ENKUR: variants seen among roughly 807,000 people sequenced by gnomAD.
The protein encoded by ENKUR is enkurin.
A neutral mutation model predicts 27.6 loss-of-function variants in ENKUR; 19 were observed. That is an observed-to-expected ratio of 0.69 (90% CI 0.48 to 1.01). ENKUR has a LOEUF of 1.01. Ranked by LOEUF, ENKUR falls within the 50% of genes least tolerant of loss-of-function variation. The pLI, the probability that ENKUR is intolerant of heterozygous loss-of-function variation, is 0.00. For missense variants in ENKUR, 312 were observed against 310.5 expected (o/e 1.00, Z -0.04); for synonymous variants, 117 against 96.9 (o/e 1.21, Z -1.22).
At chr10:25,012,246 G>A (rs1324638892) in intron 1 of ENKUR, among the ~76,000 whole-genome samples, 2 of 152,270 alleles carry the variant, frequency 1.3e-5, no homozygotes, top group African/African-American at 4.8e-5. Context: ...AGCCCTCATG[G>A]AGAACCTCTG....
At chr10:25,023,335 G>T in intron 2 of ENKUR, 3 of 1,614,132 alleles carry the variant, frequency 1.9e-6, no homozygotes, top group Middle Eastern at 1.6e-4. Context: ...AAGAACCTTT[G>T]CACTTGCGGA....
upstream of ENKUR, among the ~76,000 whole-genome samples, chr10:25,018,616 T>C (rs2132741800): frequency 6.6e-6 from 1 of 151,786 alleles, no homozygotes; most frequent in South Asian, 2.1e-4. Context: ...TAGATCCCCG[T>C]ATATAATGGT....
chr10:25,007,222 T>TAA (rs1427509027), intron 1 of ENKUR, among the ~76,000 whole-genome samples: 4 of 152,198 alleles, frequency 2.6e-5, no homozygotes, highest in African/African-American at 7.2e-5. Context: ...CTTAAGATAT[T>TAA]AAACCTTGTT....
intron 2 of ENKUR, chr10:25,023,897 A>G (rs762169718): frequency 1.9e-6 from 3 of 1,614,206 alleles, no homozygotes; most frequent in Non-Finnish European, 1.7e-6. Context: ...AGATACCAAG[A>G]TGTGGACTCG....
At chr10:25,049,761 C>G in intron 2 of ENKUR, among the ~76,000 whole-genome samples, 1 of 136,322 alleles carries the variant, frequency 7.3e-6, no homozygotes, top group African/African-American at 2.9e-5. Flanking sequence ...GCACTCCAGC[C>G]TGACAGAGTG....
In ENKUR at chr10:24,995,733, C is replaced by G; in HGVS notation, c.360G>C (p.Lys120Asn). ...AADIIMGVAKKPKPIYVDKRT... is the reference protein window; with the variant it reads ...AADIIMGVAKNPKPIYVDKRT... ...TTTTATCAACATAAATTGGTTTAGG[C>G]TTTTTAGCCACTCCCATGATGATAT... Residue 120 changes from lysine to asparagine, a missense_variant, in exon 3 of 6, where the codon AAG (lysine) becomes AAC (asparagine). Physicochemically the swap from Lys to Asn is moderately conservative, Grantham distance 94. Transcript: ENST00000331161. 1.9e-6 allele frequency: 3 copies of G among 1,613,976 alleles called. No individual in the cohort carries two copies. The highest frequency in any genetic ancestry group is 2.5e-6 in the Non-Finnish European group (3 of 1,179,974).
chr10:24,995,044 T>A (rs1850015818), intron 3 of ENKUR, among the ~76,000 whole-genome samples: 1 of 152,150 alleles, frequency 6.6e-6, no homozygotes, highest in South Asian at 2.1e-4. Flanking sequence ...ATTTAAACTA[T>A]AATGTTCACC....
At chr10:25,025,247 T>G in intron 2 of ENKUR, 1 of 1,614,220 alleles carries the variant, frequency 6.2e-7, no homozygotes, top group Non-Finnish European at 8.5e-7. Context: ...GCACCTGCTA[T>G]CATGCAGGCT....
At chr10:25,016,247 G>C, upstream of ENKUR, 1 of 990,248 alleles carries the variant, frequency 1.0e-6, no homozygotes, top group Non-Finnish European at 1.2e-6. Context: ...TTTCTGCAGC[G>C]CCTTCTGCTA....
At chr10:25,029,384 A>G (rs1220983386) in intron 2 of ENKUR, among the ~76,000 whole-genome samples, 1 of 152,202 alleles carries the variant, frequency 6.6e-6, no homozygotes, top group Non-Finnish European at 1.5e-5. Context: ...AAATTATAAA[A>G]TGTTTTCATC....
intron 2 of ENKUR, among the ~76,000 whole-genome samples, chr10:25,031,460 A>C (rs1850934420): frequency 6.6e-6 from 1 of 152,222 alleles, no homozygotes; most frequent in Non-Finnish European, 1.5e-5. Flanking sequence ...TGAGTGTAGC[A>C]AAAGAGCAGA....
rs761700816 is a variant in ENKUR at position 25,023,505 on chromosome 10, C to T, written c.38-27636G>A. The T allele has an allele frequency of 2.5e-6, 4 of 1,613,840 alleles. No homozygotes were observed. In the African/African-American group the frequency reaches 4.0e-5, roughly 16 times the overall value. On this transcript the variant is annotated intron_variant, in intron 2 of 5. Coordinates refer to the ENKUR transcript ENST00000615958. Reference sequence around the variant, plus strand: ...TGGATGATGATATCCTTGAAAAAACCTGGAATATGAGTGTGTCTGAAAAAT... The same window carrying T: ...TGGATGATGATATCCTTGAAAAAACTTGGAATATGAGTGTGTCTGAAAAAT...
intron 2 of ENKUR, among the ~76,000 whole-genome samples, chr10:25,033,801 G>A (rs1244312979): frequency 1.3e-5 from 2 of 149,936 alleles, no homozygotes; most frequent in Non-Finnish European, 2.9e-5. Flanking sequence ...TGTTTAGTAT[G>A]TATGTATGTA....
chr10:25,045,772 TA>T (rs1207328205), intron 2 of ENKUR, among the ~76,000 whole-genome samples: 1 of 152,152 alleles, frequency 6.6e-6, no homozygotes, highest in African/African-American at 2.4e-5. Context: ...AACTTGTTTA[TA>T]AAACAAAAAA....
At chr10:25,018,872 G>T (rs574840468), upstream of ENKUR, among the ~76,000 whole-genome samples, 10 of 152,116 alleles carry the variant, frequency 6.6e-5, no homozygotes, top group South Asian at 2.1e-3. Context: ...GAAGTCTAAC[G>T]GCAGAAAAAG....
chr10:25,058,635 A>G (rs1191932604), intron 2 of ENKUR, among the ~76,000 whole-genome samples: 5 of 152,174 alleles, frequency 3.3e-5, no homozygotes, highest in Non-Finnish European at 7.3e-5. Flanking sequence ...CTGGCCAATT[A>G]GTAAGGAGGG....
At chr10:25,051,183 A>G (rs761659825) in intron 2 of ENKUR, among the ~76,000 whole-genome samples, 4 of 152,234 alleles carry the variant, frequency 2.6e-5, no homozygotes, top group Non-Finnish European at 4.4e-5. Context: ...TAAGGGTTTT[A>G]TAGTTCTTCC....
chr10:25,008,236 C>T (rs1025459800), intron 1 of ENKUR, among the ~76,000 whole-genome samples: 3 of 152,054 alleles, frequency 2.0e-5, no homozygotes, highest in Admixed American at 1.3e-4. Context: ...CATAAAATGT[C>T]ATCATGACAA....
At chr10:25,031,059 A>G (rs1850927233) in intron 2 of ENKUR, among the ~76,000 whole-genome samples, 1 of 152,230 alleles carries the variant, frequency 6.6e-6, no homozygotes, top group South Asian at 2.1e-4. Context: ...CAGAGATTGC[A>G]GTAGCCAAGA....
Sources: gnomAD v4.1 joint callset for allele counts (sites outside exome capture counted in the v4.1 genomes callset) on GRCh38, gnomAD v4.1.1 for gene constraint, MANE v1.5 for transcripts, NCBI Gene and HGNC (gene_info 2026-07-23, HGNC 2026-07-21) for gene names.